The following ERICH1 variants were observed in gnomAD, a reference collection of about 807,000 sequenced individuals.
The protein encoded by ERICH1 is glutamate rich 1, also known as glutamate-rich protein 1.
Under a neutral mutation model 39.6 loss-of-function variants are expected in ERICH1, and 56 were observed. The ratio of observed to expected loss-of-function variants is 1.41; its 90% CI spans 1.14 to 1.77. ERICH1 has a LOEUF of 1.77. Ranked by LOEUF, ERICH1 falls within the 40% of genes most tolerant of loss-of-function variation. The probability of loss-of-function intolerance (pLI) is 0.00; values close to 1 mark genes in which losing one functional copy is unlikely to be tolerated. For missense variants in ERICH1, 826 were observed against 575.4 expected, an observed-to-expected ratio of 1.44 and a Z score of -4.45; for synonymous variants, 313 against 223.6, an observed-to-expected ratio of 1.40 and a Z score of -3.57.
At chr8:669,707 T>C (rs373137628) in intron 4 of ERICH1, among the ~76,000 whole-genome samples, 1 of 152,272 alleles carries the variant, frequency 6.6e-6, no homozygotes, top group Non-Finnish European at 1.5e-5. Context: ...AAGCTCTCTA[T>C]GTCCACATCA....
At position 708,681 on chromosome 8, in the gene ERICH1, G is replaced by GTTTTTTGTTTT; in HGVS notation, c.169+7179_169+7180insAAAACAAAAAA. Among the ~76,000 whole-genome samples, 41 of 65,766 alleles carry GTTTTTTGTTTT rather than the reference G, an allele frequency of 6.2e-4. 2 individuals are homozygous for GTTTTTTGTTTT. The highest frequency in any genetic ancestry group is 1.9e-3 in the South Asian group (3 of 1,616). The allele number at this position is 65,766 out of a possible 152,430, so 43.1% of individuals were successfully genotyped here. A position where few individuals can be genotyped will look rare whatever the true frequency, so the allele number is the denominator to read the frequency against. On this transcript the variant is annotated intron_variant, in intron 2 of 5. Transcript: ENST00000262109. ...GGGCTGAGTGGTTACGGGATAATGA[G>GTTTTTTGTTTT]TTTTTTTTTTTTTTTTTTTTTTTTT...
intron 3 of ERICH1, among the ~76,000 whole-genome samples, chr8:677,063 C>T (rs970014687): frequency 7.2e-5 from 11 of 152,224 alleles, no homozygotes; most frequent in Non-Finnish European, 1.2e-4. Context: ...TCAAGCACAC[C>T]GCCCTCAAAG....
At chr8:676,667 C>T (rs1394586230) in intron 3 of ERICH1, among the ~76,000 whole-genome samples, 3 of 152,224 alleles carry the variant, frequency 2.0e-5, no homozygotes, top group Non-Finnish European at 4.4e-5. Flanking sequence ...CCCCGCCCCA[C>T]ACCCAAGCCC....
At chr8:703,327 C>T (rs1313678988) in intron 2 of ERICH1, among the ~76,000 whole-genome samples, 2 of 128,446 alleles carry the variant, frequency 1.6e-5, no homozygotes, top group African/African-American at 5.4e-5. Flanking sequence ...ACACAGAGGA[C>T]AAATGAAGGA....
intron 3 of ERICH1, among the ~76,000 whole-genome samples, chr8:625,242 G>A (rs1413892772): frequency 6.6e-6 from 1 of 152,116 alleles, no homozygotes; most frequent in Admixed American, 6.6e-5. Context: ...CTTCCTATCC[G>A]ATGAATAGAT....
intron 3 of ERICH1, among the ~76,000 whole-genome samples, chr8:688,040 G>A (rs1340935897): frequency 1.3e-5 from 2 of 152,124 alleles, no homozygotes; most frequent in Non-Finnish European, 1.5e-5. Flanking sequence ...GGAAAGGCGG[G>A]GGAGACGCGC....
chr8:627,844 G>A (rs1797682798), intron 3 of ERICH1, among the ~76,000 whole-genome samples: 1 of 152,194 alleles, frequency 6.6e-6, no homozygotes, highest in Non-Finnish European at 1.5e-5. Flanking sequence ...AGGCTGGGGA[G>A]CCCAGGAACA....
intron 5 of ERICH1, among the ~76,000 whole-genome samples, chr8:665,502 C>T (rs1346377308): frequency 1.3e-5 from 2 of 152,178 alleles, no homozygotes; most frequent in South Asian, 2.1e-4. Flanking sequence ...ATTCACACTC[C>T]CCCCAGGCAG....
chr8:708,681 G>GTTTTTTTTTTGTTTTTTTTTTTTTTT lies in ERICH1; in HGVS notation c.169+7179_169+7180insAAAAAAAAAAAAAAACAAAAAAAAAA, dbSNP rs1563319316. Among the ~76,000 whole-genome samples the GTTTTTTTTTTGTTTTTTTTTTTTTTT allele has an allele frequency of 3.3e-4, 22 of 65,776 alleles. 1 individual carries two copies. Among genetic ancestry groups the GTTTTTTTTTTGTTTTTTTTTTTTTTT allele is most frequent in the Non-Finnish European group, 4.2e-4 (14 of 33,646 alleles). The allele number at this position is 65,776 out of a possible 152,430, so 43.2% of individuals were successfully genotyped here. A position where few individuals can be genotyped will look rare whatever the true frequency, so the allele number is the denominator to read the frequency against. ...GGGCTGAGTGGTTACGGGATAATGA[G>GTTTTTTTTTTGTTTTTTTTTTTTTTT]TTTTTTTTTTTTTTTTTTTTTTTTT... On this transcript the variant is annotated intron_variant, in intron 2 of 5. Coordinates refer to ENST00000262109, the MANE Select transcript of ERICH1 (RefSeq NM_207332.3).
At chr8:627,017 G>T (rs142948755) in intron 3 of ERICH1, 16 of 430,746 alleles carry the variant, frequency 3.7e-5, no homozygotes, top group Middle Eastern at 5.8e-4. Context: ...CTCTCGTCAT[G>T]GTGTCCGACA....
At chr8:731,093 G>A in intron 1 of ERICH1, 47 bp downstream of exon 1, 1 of 1,424,514 alleles carries the variant, frequency 7.0e-7, no homozygotes, top group South Asian at 1.4e-5. Flanking sequence ...TCTGAGCCGA[G>A]AGCCGGGTCT....
chr8:647,021 C>T lies in ERICH1; in HGVS notation c.976+21577G>A, dbSNP rs539052374. Reference sequence around the variant, plus strand: ...GTCCTCATTTAATCCTTCTCAAAATCCCGTGAGGGTGAGCATCATCCCAGT... The same window carrying T: ...GTCCTCATTTAATCCTTCTCAAAATTCCGTGAGGGTGAGCATCATCCCAGT... On this transcript the variant is annotated intron_variant, in intron 3 of 3. Coordinates refer to the ERICH1 transcript ENST00000522706. 1.1e-4 allele frequency among the ~76,000 whole-genome samples: 8 copies of T among 69,996 alleles called. 1 individual carries two copies. Among genetic ancestry groups the T allele is most frequent in the African/African-American group, 2.9e-4 (8 of 27,858 alleles). 45.9% of individuals were successfully genotyped at this position (69,996 alleles called of 152,430 possible). A position where few individuals can be genotyped will look rare whatever the true frequency, so the allele number is the denominator to read the frequency against.
intron 3 of ERICH1, among the ~76,000 whole-genome samples, chr8:637,032 C>A (rs2117172125): frequency 6.6e-6 from 1 of 152,380 alleles, no homozygotes; most frequent in Non-Finnish European, 1.5e-5. Context: ...GGCGTCCAAA[C>A]CAGCTCACCA....
intron 1 of ERICH1, among the ~76,000 whole-genome samples, chr8:720,551 G>C (rs1422642473): frequency 3.3e-5 from 5 of 152,208 alleles, no homozygotes; most frequent in Non-Finnish European, 7.3e-5. Context: ...TTTTCATATG[G>C]AGGGTGGGAG....
intron 3 of ERICH1, among the ~76,000 whole-genome samples, chr8:677,918 C>A (rs1450310113): frequency 6.6e-6 from 1 of 152,152 alleles, no homozygotes; most frequent in Non-Finnish European, 1.5e-5. Context: ...TCTGTCAGTG[C>A]CGCTCATCGC....
chr8:625,561 T>C (rs758367537), intron 3 of ERICH1: 1 of 152,214 alleles, frequency 6.6e-6, no homozygotes, highest in Non-Finnish European at 1.5e-5. Flanking sequence ...GTGAGGATTG[T>C]ACAACTCTGA....
chr8:616,918 GACAGAAAGAGAC>G (rs1563156807), intron 3 of ERICH1, among the ~76,000 whole-genome samples: 12,217 of 74,924 alleles, frequency 0.16, 3,632 homozygotes, highest in East Asian at 0.52. Flanking sequence ...GAGAGAGAGA[GACAGAAAGAGAC>G]AGAGAGAGAG....
At chr8:693,777 C>G (rs1809505657) in intron 2 of ERICH1, among the ~76,000 whole-genome samples, 1 of 152,118 alleles carries the variant, frequency 6.6e-6, no homozygotes, top group Non-Finnish European at 1.5e-5. Flanking sequence ...CTGTGTGCCC[C>G]TCTACCAGAG....
intron 1 of ERICH1, among the ~76,000 whole-genome samples, chr8:720,338 G>A (rs961931733): frequency 1.1e-4 from 17 of 152,300 alleles, no homozygotes; most frequent in Admixed American, 2.0e-4. Context: ...AGGTACCCAC[G>A]ATGAAGGACG....
Sources: allele counts gnomAD v4.1 joint callset (sites outside exome capture counted in the v4.1 genomes callset), GRCh38; gene constraint gnomAD v4.1.1; transcripts MANE v1.5; gene names NCBI Gene and HGNC (gene_info 2026-07-23, HGNC 2026-07-21).